The following PPP2R3A variants were observed in gnomAD, a reference collection of about 807,000 sequenced individuals.
PPP2R3A encodes the protein serine/threonine-protein phosphatase 2A regulatory subunit B'' subunit alpha.
In PPP2R3A, 80 loss-of-function variants were observed where a neutral mutation model predicts 106.9. That is an observed-to-expected ratio of 0.75 (90% confidence interval 0.62 to 0.90). The LOEUF is 0.90. Ranked by LOEUF, PPP2R3A falls within the 40% of genes least tolerant of loss-of-function variation. PPP2R3A has a pLI of 0.00. For missense variants in PPP2R3A, 1,386 were observed against 1,350.4 expected (o/e 1.03, Z -0.41); for synonymous variants, 483 against 468.3 (o/e 1.03, Z -0.41).
At chr3:136,104,347 C>T (rs556709208) in intron 12 of PPP2R3A, among the ~76,000 whole-genome samples, 2 of 151,676 alleles carry the variant, frequency 1.3e-5, no homozygotes, top group East Asian at 3.9e-4. Flanking sequence ...GCTCTTGTTG[C>T]CCAGGCTGGA....
chr3:136,127,951 C>A (rs577284565), intron 13 of PPP2R3A, among the ~76,000 whole-genome samples: 7 of 152,212 alleles, frequency 4.6e-5, no homozygotes, highest in South Asian at 2.1e-4. Context: ...TCCTTTACAG[C>A]CAAGCAAATG....
At chr3:136,139,588 G>A (rs1038951682) in intron 13 of PPP2R3A, among the ~76,000 whole-genome samples, 5 of 151,738 alleles carry the variant, frequency 3.3e-5, no homozygotes, top group Admixed American at 6.6e-5. Flanking sequence ...AACTACTCAC[G>A]TGGCTGAGGC....
At chr3:136,060,651 G>A (rs1402384616) in intron 5 of PPP2R3A, among the ~76,000 whole-genome samples, 1 of 152,110 alleles carries the variant, frequency 6.6e-6, no homozygotes, top group East Asian at 1.9e-4. Flanking sequence ...CATGCCTCCT[G>A]TACAGTCTGC....
intron 1 of PPP2R3A, among the ~76,000 whole-genome samples, chr3:136,000,420 T>C (rs1227401415): frequency 1.3e-5 from 2 of 152,212 alleles, no homozygotes; most frequent in Non-Finnish European, 2.9e-5. Flanking sequence ...AAGTAAATTC[T>C]GTCCACTTGA....
At position 136,089,995 on chromosome 3, in the gene PPP2R3A, A is replaced by G. The variant is rs139418453; in HGVS notation, c.2838-583A>G. Among the ~76,000 whole-genome samples, 190 of 152,330 alleles carry G rather than the reference A, an allele frequency of 1.2e-3. 1 individual carries two copies. Among genetic ancestry groups the G allele is most frequent in the Non-Finnish European group, 2.0e-3 (136 of 68,028 alleles). On this transcript the variant is annotated intron_variant, in intron 9 of 13. Coordinates refer to ENST00000264977, the MANE Select transcript of PPP2R3A (RefSeq NM_002718.5). ...TTTAATGAAATTATTATTAGTTCTG[A>G]AAGCGTTTTGGCTTAGTTTTCAGGC...
At chr3:136,047,991 A>G (rs909818755) in intron 4 of PPP2R3A, among the ~76,000 whole-genome samples, 6 of 152,082 alleles carry the variant, frequency 3.9e-5, no homozygotes, top group African/African-American at 7.2e-5. Context: ...AAAACTAGCT[A>G]TTGGTACTAT....
At chr3:135,994,181 T>C (rs1051429829) in intron 1 of PPP2R3A, among the ~76,000 whole-genome samples, 2 of 152,360 alleles carry the variant, frequency 1.3e-5, no homozygotes, top group Admixed American at 6.5e-5. Flanking sequence ...TGTAAGATGA[T>C]CATGTAGCTA....
At chr3:136,009,339 A>C (rs1370071022) in intron 2 of PPP2R3A, among the ~76,000 whole-genome samples, 4 of 152,242 alleles carry the variant, frequency 2.6e-5, no homozygotes, top group Non-Finnish European at 5.9e-5. Flanking sequence ...TAATACCATT[A>C]GACTCTGCTA....
intron 13 of PPP2R3A, among the ~76,000 whole-genome samples, chr3:136,134,095 A>G (rs1938519982): frequency 6.6e-6 from 1 of 152,210 alleles, no homozygotes; most frequent in African/African-American, 2.4e-5. Context: ...ACTGTATATT[A>G]AGCATTATTG....
At chr3:136,010,935 T>TA (rs1934047805) in intron 2 of PPP2R3A, among the ~76,000 whole-genome samples, 1 of 152,194 alleles carries the variant, frequency 6.6e-6, no homozygotes, top group Admixed American at 6.5e-5. Context: ...TGCTCCAACA[T>TA]ACCAGTTGAG....
rs1249297334 is a variant in PPP2R3A, at chr3:136,079,823, A to C, written c.2631+1370A>C. Among the ~76,000 whole-genome samples the C allele has an allele frequency of 3.3e-5, 5 of 152,254 alleles. No individual in the cohort carries two copies. The East Asian group carries it at 9.6e-4, about 29-fold the overall frequency. Reference sequence around the variant, plus strand: ...GATTTGTATAAGATCACACAAAAGTAAGTTGCTGAACTGGAAAAAGAACTC... The same window carrying C: ...GATTTGTATAAGATCACACAAAAGTCAGTTGCTGAACTGGAAAAAGAACTC... On this transcript the variant is annotated intron_variant, in intron 7 of 13. Coordinates refer to ENST00000264977, the MANE Select transcript of PPP2R3A (RefSeq NM_002718.5).
intron 1 of PPP2R3A, among the ~76,000 whole-genome samples, chr3:135,994,476 C>T (rs1933308875): frequency 6.6e-6 from 1 of 152,118 alleles, no homozygotes; most frequent in African/African-American, 2.4e-5. Flanking sequence ...AAACAGTCCC[C>T]CTATGTTTAA....
intron 9 of PPP2R3A, among the ~76,000 whole-genome samples, chr3:136,089,365 C>T (rs574869405): frequency 2.2e-4 from 33 of 152,114 alleles, no homozygotes; most frequent in South Asian, 8.3e-4. Flanking sequence ...TTGTTTTTAT[C>T]GACTTTGTCA....
chr3:136,044,909 A>G (rs994194497), intron 4 of PPP2R3A, among the ~76,000 whole-genome samples: 4 of 152,180 alleles, frequency 2.6e-5, no homozygotes, highest in African/African-American at 9.7e-5. Context: ...GTTGGCAGGG[A>G]AAACTGCTTG....
intron 13 of PPP2R3A, among the ~76,000 whole-genome samples, chr3:136,133,886 A>G (rs1170107553): frequency 2.1e-5 from 3 of 146,040 alleles, no homozygotes; most frequent in African/African-American, 5.1e-5. Context: ...GTGAAACTCC[A>G]TCTCAAAAAA....
At chr3:136,144,046 T>G (rs1056833434) in intron 13 of PPP2R3A, among the ~76,000 whole-genome samples, 7 of 152,220 alleles carry the variant, frequency 4.6e-5, no homozygotes, top group Admixed American at 3.9e-4. Context: ...GGCTCAGAGA[T>G]ATAGCCTCAG....
intron 13 of PPP2R3A, among the ~76,000 whole-genome samples, chr3:136,117,402 T>G (rs1033266192): frequency 1.3e-5 from 2 of 151,992 alleles, no homozygotes; most frequent in African/African-American, 2.4e-5. Flanking sequence ...CTGAAAGAGA[T>G]AGAGACATGA....
intron 7 of PPP2R3A, chr3:136,079,318 A>G: frequency 3.3e-6 from 1 of 300,154 alleles, no homozygotes; most frequent in East Asian, 8.1e-5. Flanking sequence ...CAGTAATTCC[A>G]TAATACCTCA....
intron 9 of PPP2R3A, among the ~76,000 whole-genome samples, chr3:136,088,532 A>G (rs1937016292): frequency 6.6e-6 from 1 of 152,148 alleles, no homozygotes; most frequent in Non-Finnish European, 1.5e-5. Context: ...TGTCTTTGCT[A>G]TTGTGAATAG....
Sources: gnomAD v4.1 joint callset for allele counts (sites outside exome capture counted in the v4.1 genomes callset) on GRCh38, gnomAD v4.1.1 for gene constraint, MANE v1.5 for transcripts, NCBI Gene and HGNC (gene_info 2026-07-23, HGNC 2026-07-21) for gene names.